Variants in C2orf69 observed in about 807,000 individuals in gnomAD.
C2orf69 encodes mitochondrial protein C2orf69.
In C2orf69, 19 loss-of-function variants were observed where a neutral mutation model predicts 29.5. The observed-to-expected ratio is 0.65, with a 90% CI of 0.45 to 0.95. The LOEUF is 0.95. C2orf69 is among the 40% of genes least tolerant of loss of function. C2orf69 has a pLI of 0.00. For missense variants in C2orf69, 416 were observed against 482.1 expected (o/e 0.86, Z 1.28); for synonymous variants, 194 against 180.0 (o/e 1.08, Z -0.62).
chr2:199,923,023 C>T (rs1025663053), intron 1 of C2orf69, among the ~76,000 whole-genome samples: 1 of 152,186 alleles, frequency 6.6e-6, no homozygotes, highest in Non-Finnish European at 1.5e-5. Context: ...CCACACTGAC[C>T]TCATTGCTGT....
chr2:199,913,084 CT>C (rs1313430080), intron 1 of C2orf69, among the ~76,000 whole-genome samples: 10 of 133,150 alleles, frequency 7.5e-5, no homozygotes, highest in East Asian at 2.1e-4. Flanking sequence ...TAGATATTCT[CT>C]TTTTTTTTCC....
At chr2:199,915,978 C>T (rs1298678470) in intron 1 of C2orf69, among the ~76,000 whole-genome samples, 2 of 152,058 alleles carry the variant, frequency 1.3e-5, no homozygotes, top group Non-Finnish European at 2.9e-5. Flanking sequence ...TGTACTTTTC[C>T]TTTATCATTT....
rs772200305 is a variant in C2orf69, at chr2:199,911,316, C to T, written c.-123C>T. ...GCCTCTGACGTCGTCGCCTCAGCGCCGGCTCCCGGCCGGGCCGCGGCCGCC... is the reference window on the plus strand; with the variant it reads ...GCCTCTGACGTCGTCGCCTCAGCGCTGGCTCCCGGCCGGGCCGCGGCCGCC... On this transcript the variant is annotated 5_prime_UTR_variant, in exon 1 of 2. Coordinates refer to ENST00000319974, the MANE Select transcript of C2orf69 (RefSeq NM_153689.6). 1 of 1,223,950 alleles carries T rather than the reference C, an allele frequency of 8.2e-7. No individual in the cohort carries two copies. The highest frequency in any genetic ancestry group is 1.1e-6 in the Non-Finnish European group (1 of 939,686). 75.8% of individuals were successfully genotyped at this position (1,223,950 alleles called of 1,614,324 possible). A position where few individuals can be genotyped will look rare whatever the true frequency, so the allele number is the denominator to read the frequency against.
At chr2:199,923,904 G>A (rs1391033086) in intron 1 of C2orf69, among the ~76,000 whole-genome samples, 2 of 152,212 alleles carry the variant, frequency 1.3e-5, no homozygotes, top group South Asian at 2.1e-4. Context: ...GTGAACAAGG[G>A]TTTAGTCTGT....
intron 1 of C2orf69, among the ~76,000 whole-genome samples, chr2:199,924,300 C>CG (rs1377053854): frequency 1.3e-5 from 2 of 152,004 alleles, no homozygotes. Context: ...CCAGCTACTC[C>CG]GGAGGCTGAG....
intron 1 of C2orf69, among the ~76,000 whole-genome samples, chr2:199,921,080 C>T (rs2077314225): frequency 8.1e-6 from 1 of 123,076 alleles, no homozygotes; most frequent in Non-Finnish European, 1.6e-5. Context: ...GGTCTTGGCT[C>T]ACTGCAACCT....
Position 199,925,605 on chromosome 2 carries a change from A to AT in C2orf69, c.878dup (p.Arg294LysfsTer45), listed in dbSNP as rs2077332607. On this transcript the variant is annotated frameshift_variant, in exon 2 of 2. Coordinates refer to ENST00000319974, the MANE Select transcript of C2orf69 (RefSeq NM_153689.6). LOFTEE classifies it high-confidence loss of function. The surrounding 1 kb of genome is among the most constrained non-coding windows in gnomAD (Gnocchi z 4.9). The stretch of plus-strand genomic sequence containing the variant: ...GAACATAGATGCTTTTATCAAAAGC[A>AT]TAAGAACAATGTATTGGCTGGATGG... 1.2e-6 allele frequency: 2 copies of AT among 1,613,866 alleles called. No individual in the cohort carries two copies. The highest frequency in any genetic ancestry group is 1.7e-6 in the Non-Finnish European group (2 of 1,179,880).
At chr2:199,915,251 A>G (rs1323405812) in intron 1 of C2orf69, among the ~76,000 whole-genome samples, 1 of 152,084 alleles carries the variant, frequency 6.6e-6, no homozygotes, top group Non-Finnish European at 1.5e-5. Context: ...TGATGCTTTT[A>G]GAATGCCTAT....
In C2orf69 at chr2:199,925,307, T is replaced by C. The variant is rs755571159; in HGVS notation, c.579T>C (p.Asn193=). ...AFKHLYMLLV[N]AFNLSQNSLS... is the part of the protein sequence containing the mutation. Reference sequence around the variant, plus strand: ...AGCACCTTTATATGTTATTAGTTAATGCTTTTAATTTAAGTCAGAATAGTT... The same window carrying C: ...AGCACCTTTATATGTTATTAGTTAACGCTTTTAATTTAAGTCAGAATAGTT... Residue 193 remains asparagine, a synonymous_variant, in exon 2 of 2, where the codon AAT becomes AAC. Coordinates refer to ENST00000319974, the MANE Select transcript of C2orf69 (RefSeq NM_153689.6). This position sits in a 1 kb window ranked among gnomAD's most constrained non-coding sequence, Gnocchi z 4.9. 9 of 1,612,364 alleles carry C rather than the reference T, an allele frequency of 5.6e-6. No homozygotes were observed. The highest frequency in any genetic ancestry group is 5.9e-6 in the Non-Finnish European group (7 of 1,179,292).
Position 199,913,449 on chromosome 2 carries a change from ATATTC to A in C2orf69, c.333+1683_333+1687del, listed in dbSNP as rs1316143764. ...ATAAAATATATATTATATAAAATAT[ATATTC>A]TATTATATAAAATATATATTATATA... On this transcript the variant is annotated intron_variant, in intron 1 of 1. Coordinates refer to ENST00000319974, the MANE Select transcript of C2orf69 (RefSeq NM_153689.6). Among the ~76,000 whole-genome samples, 263 of 100,846 alleles carry A rather than the reference ATATTC, an allele frequency of 2.6e-3. 4 individuals carry two copies. The highest frequency in any genetic ancestry group is 9.4e-3 in the African/African-American group (241 of 25,628). 66.2% of individuals were successfully genotyped at this position (100,846 alleles called of 152,430 possible).
chr2:199,916,468 CATT>C (rs990053558), intron 1 of C2orf69, among the ~76,000 whole-genome samples: 1 of 152,170 alleles, frequency 6.6e-6, no homozygotes, highest in African/African-American at 2.4e-5. Context: ...AGTCTTAACT[CATT>C]GTAGCATTAA....
At chr2:199,918,725 C>T (rs2077302762) in intron 1 of C2orf69, among the ~76,000 whole-genome samples, 1 of 152,108 alleles carries the variant, frequency 6.6e-6, no homozygotes, top group African/African-American at 2.4e-5. Context: ...ATGTAACCAC[C>T]AAAATCATGT....
intron 1 of C2orf69, among the ~76,000 whole-genome samples, chr2:199,920,983 T>A (rs74972297): frequency 1 from 103,878 of 103,886 alleles, 51,935 homozygotes; most frequent in Middle Eastern, 1. Context: ...AAGTCACTTG[T>A]TGGCCTTCTA....
Position 199,925,966 on chromosome 2 carries a change from T to A in C2orf69, c.*80T>A. On this transcript the variant is annotated 3_prime_UTR_variant, in exon 2 of 2. Coordinates refer to ENST00000319974, the MANE Select transcript of C2orf69 (RefSeq NM_153689.6). The surrounding 1 kb of genome is among the most constrained non-coding windows in gnomAD (Gnocchi z 4.9). ...TGTTATAAATTCAGATAATGGGATG[T>A]AATTCATAGCTGCATTGTCAGTTTT... 1 of 921,246 alleles carries A rather than the reference T, an allele frequency of 1.1e-6. No individual in the cohort carries two copies. Among genetic ancestry groups the A allele is most frequent in the Non-Finnish European group, 1.6e-6 (1 of 612,818 alleles). 57.1% of individuals were successfully genotyped at this position (921,246 alleles called of 1,614,324 possible).
intron 1 of C2orf69, among the ~76,000 whole-genome samples, chr2:199,912,125 G>T (rs558914874): frequency 6.6e-6 from 1 of 152,286 alleles, no homozygotes; most frequent in South Asian, 2.1e-4. Flanking sequence ...TGTGTGTTGG[G>T]CAGGGGACAG....
chr2:199,919,414 A>T (rs2077305594), intron 1 of C2orf69, among the ~76,000 whole-genome samples: 1 of 152,224 alleles, frequency 6.6e-6, no homozygotes, highest in Non-Finnish European at 1.5e-5. Flanking sequence ...TCATGCCCTA[A>T]GTGGTGTCTC....
chr2:199,925,707 G>T lies in C2orf69; in HGVS notation c.979G>T (p.Val327Phe). ...LKEFAQTGII[V>F]HTHVTPYQVR... is the part of the protein sequence containing the mutation. The stretch of plus-strand genomic sequence containing the variant: ...AGAATTTGCACAAACAGGAATTATC[G>T]TTCACACTCATGTAACACCTTACCA... Residue 327 changes from valine to phenylalanine, a missense_variant, in exon 2 of 2, where the codon GTT (valine) becomes TTT (phenylalanine). By Grantham distance (50) the Val-to-Phe change is conservative. This residue lies in a region of C2orf69 where 225 missense variants were observed against 307.3 expected (regional missense o/e 0.73). Coordinates refer to ENST00000319974, the MANE Select transcript of C2orf69 (RefSeq NM_153689.6). This position sits in a 1 kb window ranked among gnomAD's most constrained non-coding sequence, Gnocchi z 4.9. The T allele has an allele frequency of 6.2e-7, 1 of 1,613,894 alleles. No homozygotes were observed. Among genetic ancestry groups the T allele is most frequent in the Non-Finnish European group, 8.5e-7 (1 of 1,179,848 alleles).
intron 1 of C2orf69, among the ~76,000 whole-genome samples, chr2:199,916,639 A>C (rs1483188498): frequency 6.6e-6 from 1 of 152,250 alleles, no homozygotes; most frequent in Non-Finnish European, 1.5e-5. Context: ...GGACCAAAAC[A>C]AAGGGGCTAC....
intron 1 of C2orf69, among the ~76,000 whole-genome samples, chr2:199,913,120 C>CCAGT (rs34712551): frequency 0.84 from 99,640 of 119,024 alleles, 41,980 homozygotes; most frequent in South Asian, 0.91. Context: ...GTCAACTAAA[C>CCAGT]CAGTTATTTT....
Sources: gnomAD v4.1 joint callset for allele counts (sites outside exome capture counted in the v4.1 genomes callset) on GRCh38, gnomAD v4.1.1 for gene constraint, gnomAD v4.1.1 regional missense constraint, Gnocchi (gnomAD v3.1) non-coding constraint, MANE v1.5 for transcripts, NCBI Gene and HGNC (gene_info 2026-07-23, HGNC 2026-07-21) for gene names.